The following PHACTR1 variants were observed in gnomAD, a reference collection of about 807,000 sequenced individuals.
PHACTR1 encodes phosphatase and actin regulator 1.
PHACTR1 carries 16 observed loss-of-function variants against 69.2 expected under a neutral mutation model. The observed-to-expected ratio is 0.23, with a 90% confidence interval of 0.16 to 0.35. PHACTR1 has a LOEUF of 0.35. PHACTR1 is among the 10% of genes least tolerant of loss of function. The pLI is 1.00. For missense variants in PHACTR1, 510 were observed against 734.7 expected (o/e 0.69, Z 3.54); for synonymous variants, 312 against 284.5 (o/e 1.10, Z -0.97).
chr6:12,959,953 A>G (rs1792475353), intron 4 of PHACTR1, among the ~76,000 whole-genome samples: 1 of 152,216 alleles, frequency 6.6e-6, no homozygotes, highest in Non-Finnish European at 1.5e-5. Flanking sequence ...GGTTTTGTTC[A>G]TTTCTGGGAT....
chr6:12,824,762 A>G (rs77664195), intron 4 of PHACTR1, among the ~76,000 whole-genome samples: 15,191 of 152,146 alleles, frequency 0.1, 827 homozygotes, highest in East Asian at 0.18. Context: ...ATATTTCAGG[A>G]AATTAACTTT....
chr6:13,044,243 T>C (rs1353076006), intron 4 of PHACTR1, among the ~76,000 whole-genome samples: 6 of 152,326 alleles, frequency 3.9e-5, no homozygotes, highest in South Asian at 2.1e-4. Flanking sequence ...TTAGGAAATA[T>C]GAAGTATTTG....
At chr6:13,039,951 C>T (rs1204764945) in intron 4 of PHACTR1, among the ~76,000 whole-genome samples, 4 of 152,148 alleles carry the variant, frequency 2.6e-5, no homozygotes, top group Non-Finnish European at 4.4e-5. Flanking sequence ...AAATAATGAC[C>T]TTTAAGATTA....
intron 12 of PHACTR1, chr6:13,281,282 G>A (rs1208650903): frequency 3.4e-5 from 14 of 407,554 alleles, no homozygotes; most frequent in Middle Eastern, 4.4e-4. Flanking sequence ...GGCCGGGCTC[G>A]GTGGCTCATA....
chr6:12,955,678 G>T (rs1473334076), intron 4 of PHACTR1, among the ~76,000 whole-genome samples: 1 of 152,170 alleles, frequency 6.6e-6, no homozygotes, highest in Non-Finnish European at 1.5e-5. Context: ...TATTAAGAAA[G>T]AAGTTACTGT....
At chr6:12,752,141 G>A (rs1766699479) in intron 4 of PHACTR1, among the ~76,000 whole-genome samples, 1 of 152,178 alleles carries the variant, frequency 6.6e-6, no homozygotes, top group African/African-American at 2.4e-5. Flanking sequence ...CCTGGGGCTT[G>A]TTTATTTCCA....
chr6:12,916,206 C>T (rs577240697), intron 4 of PHACTR1, among the ~76,000 whole-genome samples: 49 of 152,280 alleles, frequency 3.2e-4, no homozygotes, highest in Middle Eastern at 6.8e-3. Context: ...TCCTCATCTT[C>T]GCAGCAGGTT....
chr6:12,867,526 T>C (rs1015605480), intron 4 of PHACTR1, among the ~76,000 whole-genome samples: 2 of 152,204 alleles, frequency 1.3e-5, no homozygotes, highest in African/African-American at 4.8e-5. Context: ...GGTACAGAGA[T>C]GGCAACTGAC....
intron 10 of PHACTR1, among the ~76,000 whole-genome samples, chr6:13,242,863 TATTG>T (rs201472612): frequency 0.012 from 1,875 of 152,310 alleles, 18 homozygotes; most frequent in Middle Eastern, 0.024. Flanking sequence ...AGTTGGAAAC[TATTG>T]ATTAAGCACC....
intron 4 of PHACTR1, among the ~76,000 whole-genome samples, chr6:13,021,215 G>A (rs930639884): frequency 6.6e-6 from 1 of 152,000 alleles, no homozygotes; most frequent in Non-Finnish European, 1.5e-5. Flanking sequence ...TAATCTATAG[G>A]TTTCCCTATT....
chr6:13,206,130 T>G lies in PHACTR1; in HGVS notation c.980T>G (p.Leu327Arg). 6.3e-7 allele frequency: 1 copy of G among 1,589,374 alleles called. No individual in the cohort carries two copies. The highest frequency in any genetic ancestry group is 8.6e-7 in the Non-Finnish European group (1 of 1,165,466). Residue 327 changes from leucine to arginine, a missense_variant, in exon 8 of 15, where the codon CTG becomes CGG. By Grantham distance (102) the Leu-to-Arg change is moderately radical. Around this residue, in one of 2 missense-constraint regions of PHACTR1, gnomAD observed 419 missense variants for 530.9 expected, o/e 0.79. Transcript: ENST00000332995. ...NKTLAMTMQRLESSEQRVPCS... is the reference protein window; with the variant it reads ...NKTLAMTMQRRESSEQRVPCS... ...ACGCTGGCCATGACCATGCAGAGGC[T>G]GGAAAGGTAAAGGTGGGCACCAGGA...
rs79705648 is a variant in PHACTR1, at chr6:12,782,454, G to T, written c.250+32664G>T. Among the ~76,000 whole-genome samples the T allele has an allele frequency of 7.4e-3, 1,132 of 152,242 alleles. 21 individuals carry two copies. The highest frequency in any genetic ancestry group is 0.026 in the African/African-American group (1,089 of 41,534). ...CACAGGGACAAGCTGTAATCAGCTT[G>T]CATTTCTCATGTTTGCATATAGATA... On this transcript the variant is annotated intron_variant, in intron 4 of 14. Transcript: ENST00000332995.
At chr6:12,828,169 A>G (rs1159290868) in intron 4 of PHACTR1, among the ~76,000 whole-genome samples, 1 of 152,186 alleles carries the variant, frequency 6.6e-6, no homozygotes, top group Admixed American at 6.5e-5. Flanking sequence ...TATGAGGCCA[A>G]TGCATCAAAA....
chr6:13,202,650 T>TA (rs1431071887), intron 7 of PHACTR1, among the ~76,000 whole-genome samples: 5 of 152,186 alleles, frequency 3.3e-5, no homozygotes, highest in African/African-American at 1.2e-4. Context: ...GCTAATTTTG[T>TA]ATTTTTAGTA....
intron 8 of PHACTR1, among the ~76,000 whole-genome samples, chr6:13,219,857 GA>G (rs1199940607): frequency 6.6e-6 from 1 of 152,122 alleles, no homozygotes; most frequent in Non-Finnish European, 1.5e-5. Flanking sequence ...TACATCTACA[GA>G]AAAAATGATG....
At chr6:12,744,494 CCAGT>C (rs1041545114) in intron 3 of PHACTR1, among the ~76,000 whole-genome samples, 60 of 152,138 alleles carry the variant, frequency 3.9e-4, no homozygotes, top group African/African-American at 1.4e-3. Flanking sequence ...CCAAAATCGG[CCAGT>C]CAGTGCTGCA....
At chr6:12,851,495 A>G (rs986545886) in intron 4 of PHACTR1, among the ~76,000 whole-genome samples, 3 of 152,230 alleles carry the variant, frequency 2.0e-5, no homozygotes, top group African/African-American at 7.2e-5. Context: ...ATGAGTAATA[A>G]CAGTCTAATG....
At chr6:13,184,695 T>G in intron 7 of PHACTR1, 1 of 887,828 alleles carries the variant, frequency 1.1e-6, no homozygotes. Context: ...GCATCGGTGC[T>G]CCGCTGTGTT....
chr6:12,773,250 A>G (rs1769618477), intron 4 of PHACTR1, among the ~76,000 whole-genome samples: 1 of 152,148 alleles, frequency 6.6e-6, no homozygotes. Context: ...GCTCAATTTT[A>G]TTTGATGCCA....
Sources: allele counts gnomAD v4.1 joint callset (sites outside exome capture counted in the v4.1 genomes callset), GRCh38; gene constraint gnomAD v4.1.1; regional missense constraint gnomAD v4.1.1; transcripts MANE v1.5; gene names NCBI Gene and HGNC (gene_info 2026-07-23, HGNC 2026-07-21).